IGSF21: variants seen among roughly 807,000 people sequenced by gnomAD.
IGSF21 encodes immunoglobin superfamily member 21.
A neutral mutation model predicts 46.8 loss-of-function variants in IGSF21; 28 were observed. That is an observed-to-expected ratio of 0.60 (90% CI 0.44 to 0.82). The LOEUF is 0.82. IGSF21 is among the 40% of genes least tolerant of loss of function. The probability of loss-of-function intolerance (pLI) is 0.00; values close to 1 mark genes in which losing one functional copy is unlikely to be tolerated. For synonymous variants in IGSF21, 284 were observed against 273.6 expected (o/e 1.04, Z -0.38); for missense variants, 624 against 665.5 (o/e 0.94, Z 0.69).
At chr1:18,263,528 G>A (rs908089641) in intron 2 of IGSF21, among the ~76,000 whole-genome samples, 5 of 152,096 alleles carry the variant, frequency 3.3e-5, no homozygotes, top group African/African-American at 1.2e-4. Flanking sequence ...TTTGCGATGT[G>A]AATCTATTCA....
chr1:18,186,147 T>C (rs893404201), intron 1 of IGSF21, among the ~76,000 whole-genome samples: 1 of 152,178 alleles, frequency 6.6e-6, no homozygotes, highest in Admixed American at 6.5e-5. Flanking sequence ...AGACACTTGC[T>C]GTGTTGGAAT....
intron 2 of IGSF21, among the ~76,000 whole-genome samples, chr1:18,256,118 A>G (rs1569646156): frequency 6.6e-6 from 1 of 152,104 alleles, no homozygotes; most frequent in African/African-American, 2.4e-5. Flanking sequence ...TAGCCATGCA[A>G]TGGGGCTTCT....
At chr1:18,364,763 C>T (rs77800795) in intron 5 of IGSF21, among the ~76,000 whole-genome samples, 56 of 152,178 alleles carry the variant, frequency 3.7e-4, no homozygotes, top group African/African-American at 1.3e-3. Flanking sequence ...CCTCTCCCAA[C>T]GTCTCACTTC....
chr1:18,255,591 C>T (rs1364830037), intron 2 of IGSF21, among the ~76,000 whole-genome samples: 1 of 152,054 alleles, frequency 6.6e-6, no homozygotes, highest in Non-Finnish European at 1.5e-5. Context: ...TGTTCTAAAT[C>T]ATTCCCTCTT....
intron 1 of IGSF21, among the ~76,000 whole-genome samples, chr1:18,207,170 T>C (rs773969962): frequency 8.5e-5 from 13 of 152,230 alleles, no homozygotes; most frequent in Non-Finnish European, 1.6e-4. Context: ...GCCTGCATTT[T>C]TCTTCAAAGA....
intron 1 of IGSF21, among the ~76,000 whole-genome samples, chr1:18,143,310 G>A (rs1245868180): frequency 6.6e-6 from 1 of 151,934 alleles, no homozygotes; most frequent in African/African-American, 2.4e-5. Flanking sequence ...CCCCTTTCAG[G>A]CCGGGACCCT....
intron 1 of IGSF21, among the ~76,000 whole-genome samples, chr1:18,130,969 G>T (rs1570251157): frequency 6.6e-6 from 1 of 152,368 alleles, no homozygotes; most frequent in East Asian, 1.9e-4. Flanking sequence ...AGCTCTGACA[G>T]CCTCGGGCCG....
intron 3 of IGSF21, among the ~76,000 whole-genome samples, chr1:18,328,883 A>G (rs759410827): frequency 6.6e-6 from 1 of 152,124 alleles, no homozygotes; most frequent in Non-Finnish European, 1.5e-5. Context: ...GAGGCTGTAA[A>G]CTCGTGTGGG....
chr1:18,328,449 C>G (rs566174750), intron 3 of IGSF21, among the ~76,000 whole-genome samples: 1 of 152,186 alleles, frequency 6.6e-6, no homozygotes, highest in African/African-American at 2.4e-5. Context: ...ATGACTTTCA[C>G]GCTGTCTTAA....
intron 3 of IGSF21, among the ~76,000 whole-genome samples, chr1:18,328,471 G>A (rs599307): frequency 0.12 from 17,856 of 152,178 alleles, 2,922 homozygotes; most frequent in African/African-American, 0.37. Context: ...TAAAAAAATC[G>A]TAAGTTGAAC....
rs997864474 is a variant in IGSF21 at position 18,376,818 on chromosome 1, C to T, written c.1120C>T (p.Pro374Ser). 1 of 1,597,352 alleles carries T rather than the reference C, an allele frequency of 6.3e-7. No homozygotes were observed. Among genetic ancestry groups the T allele is most frequent in the Admixed American group, 1.7e-5 (1 of 59,430 alleles). ...CCAACAGAACGAAGTCTTCCCGGAG[C>T]CCATGTTCACGTGGACGCGGGTTGG... ...HGFQNEVFPE[P>S]MFTWTRVGSR... The change falls in exon 8 of 10, where the codon CCC (proline) becomes TCC (serine). Residue 374 changes from proline to serine, a missense_variant. Coordinates refer to ENST00000251296, the MANE Select transcript of IGSF21 (RefSeq NM_032880.5).
chr1:18,279,914 G>A (rs1314510517), intron 2 of IGSF21, among the ~76,000 whole-genome samples: 2 of 152,250 alleles, frequency 1.3e-5, no homozygotes, highest in African/African-American at 4.8e-5. Context: ...GCCCAATTGT[G>A]CACAGCGCCT....
chr1:18,237,020 T>C (rs530680004), intron 2 of IGSF21, among the ~76,000 whole-genome samples: 1 of 152,290 alleles, frequency 6.6e-6, no homozygotes, highest in Admixed American at 6.5e-5. Context: ...TGAACAAACC[T>C]TTGCAAGTAA....
rs1439817653 is a variant in IGSF21, at chr1:18,365,395, G to A, written c.713G>A (p.Gly238Asp). 1.9e-6 allele frequency: 3 copies of A among 1,613,864 alleles called. No individual in the cohort carries two copies. The highest frequency in any genetic ancestry group is 2.5e-6 in the Non-Finnish European group (3 of 1,179,998). Residue 238 changes from glycine (G) to aspartate (D), a missense_variant, in exon 6 of 10, where the codon GGT (glycine) becomes GAT (aspartate). Transcript: ENST00000251296. This position sits in a 1 kb window ranked among gnomAD's most constrained non-coding sequence, Gnocchi z 4.8. ...SLSLLDAENR[G>D]GRPYTERPSR... ...TCCCTCCTGGACGCCGAGAACCGGG[G>A]TGGGCGACCCTACACGGAGCGCCCC... is the stretch of plus-strand genomic sequence containing the variant.
At chr1:18,354,166 C>A (rs1212351774) in intron 4 of IGSF21, among the ~76,000 whole-genome samples, 1 of 152,160 alleles carries the variant, frequency 6.6e-6, no homozygotes, top group East Asian at 1.9e-4. Context: ...GGGAAGGCTG[C>A]CTGGAGGAGG....
At chr1:18,367,603 C>CTTTTTTTTTTTTTTTTTTTTTTTT (rs35019096) in intron 6 of IGSF21, among the ~76,000 whole-genome samples, 6 of 73,964 alleles carry the variant, frequency 8.1e-5, no homozygotes, top group Non-Finnish European at 1.3e-4. Flanking sequence ...CTCTCTCTCT[C>CTTTTTTTTTTTTTTTTTTTTTTTT]TTTTTTTTTT....
intron 2 of IGSF21, among the ~76,000 whole-genome samples, chr1:18,233,222 C>T (rs1405872332): frequency 1.3e-5 from 2 of 152,226 alleles, no homozygotes; most frequent in Admixed American, 6.5e-5. Context: ...ACAGTGATAA[C>T]ATCCCTGCTT....
chr1:18,357,262 A>C (rs55743113), intron 4 of IGSF21, among the ~76,000 whole-genome samples: 75,676 of 143,856 alleles, frequency 0.53, 21,311 homozygotes, highest in Non-Finnish European at 0.62. Context: ...GGATGGTGAT[A>C]AAAACAGGGA....
chr1:18,200,348 A>G (rs893570772), intron 1 of IGSF21, among the ~76,000 whole-genome samples: 9 of 152,194 alleles, frequency 5.9e-5, no homozygotes, highest in Admixed American at 2.6e-4. Flanking sequence ...GACTGCTGTA[A>G]CAGTGACTTA....
Sources: gnomAD v4.1 joint callset for allele counts (sites outside exome capture counted in the v4.1 genomes callset) on GRCh38, gnomAD v4.1.1 for gene constraint, Gnocchi (gnomAD v3.1) non-coding constraint, MANE v1.5 for transcripts, NCBI Gene and HGNC (gene_info 2026-07-23, HGNC 2026-07-21) for gene names.